Variants in KLHL29 observed in about 807,000 individuals in gnomAD.
KLHL29 encodes the protein kelch-like protein 29.
In KLHL29, 21 loss-of-function variants were observed where a neutral mutation model predicts 80.4. The ratio of observed to expected loss-of-function variants is 0.26; its 90% confidence interval spans 0.19 to 0.38. The LOEUF (loss-of-function observed/expected upper bound fraction) is 0.38. Among genes scored for constraint, KLHL29 ranks in the 10% least tolerant of loss-of-function variants. The probability of loss-of-function intolerance (pLI) is 1.00; values close to 1 mark genes in which losing one functional copy is unlikely to be tolerated. For missense variants in KLHL29, 867 were observed against 1,223.9 expected (o/e 0.71, Z 4.35); for synonymous variants, 511 against 526.8 (o/e 0.97, Z 0.41).
chr2:23,703,825 G>A lies in KLHL29; in HGVS notation c.2406G>A (p.Lys802=). The A allele has an allele frequency of 6.5e-7, 1 of 1,537,520 alleles. No homozygotes were observed. The highest frequency in any genetic ancestry group is 8.7e-7 in the Non-Finnish European group (1 of 1,146,962). The change falls in exon 13 of 14, where the codon AAG becomes AAA. Residue 802 remains lysine (K), a synonymous_variant. Coordinates refer to ENST00000486442, the MANE Select transcript of KLHL29 (RefSeq NM_052920.2). Reference sequence around the variant, plus strand: ...ACGACCCTGAGAAAGGAAACATTAAGGCGGGCCCAAACATGAACCACTCTC... The same window carrying A: ...ACGACCCTGAGAAAGGAAACATTAAAGCGGGCCCAAACATGAACCACTCTC... ...TIYDPEKGNI[K]AGPNMNHSRQ...
chr2:23,602,983 C>A lies in KLHL29; in HGVS notation c.286-36156C>A, dbSNP rs188728455. Among the ~76,000 whole-genome samples the A allele has an allele frequency of 5.0e-3, 755 of 152,304 alleles. 5 individuals are homozygous for A. Among genetic ancestry groups the A allele is most frequent in the African/African-American group, 0.017 (692 of 41,580 alleles). Reference sequence around the variant, plus strand: ...CCTCTGATTTCTTAGGAAAAGACATCACAGCTCTTGCCAATCCATGAGTCA... The same window carrying A: ...CCTCTGATTTCTTAGGAAAAGACATAACAGCTCTTGCCAATCCATGAGTCA... On this transcript the variant is annotated intron_variant, in intron 3 of 13. Transcript: ENST00000486442.
chr2:23,590,836 C>CCATT (rs1253265902), intron 3 of KLHL29, among the ~76,000 whole-genome samples: 1 of 152,160 alleles, frequency 6.6e-6, no homozygotes, highest in Non-Finnish European at 1.5e-5. Context: ...AGGCCCACAT[C>CCATT]CATGCATTCA....
At chr2:23,510,330 C>G (rs1222074068) in intron 2 of KLHL29, among the ~76,000 whole-genome samples, 1 of 152,186 alleles carries the variant, frequency 6.6e-6, no homozygotes, top group African/African-American at 2.4e-5. Context: ...GAGCCACCTC[C>G]TCATTTAGTA....
intron 5 of KLHL29, among the ~76,000 whole-genome samples, chr2:23,646,365 C>A (rs1669933697): frequency 6.6e-6 from 1 of 152,194 alleles, no homozygotes; most frequent in African/African-American, 2.4e-5. Flanking sequence ...TTTTTGGTGG[C>A]TCAGAGGATG....
At chr2:23,556,525 G>T (rs755778256) in intron 2 of KLHL29, among the ~76,000 whole-genome samples, 67 of 151,918 alleles carry the variant, frequency 4.4e-4, no homozygotes, top group Non-Finnish European at 9.3e-4. Flanking sequence ...GGTGATGGGT[G>T]CCTGTAATCC....
At chr2:23,587,517 C>T (rs1156695114) in intron 3 of KLHL29, among the ~76,000 whole-genome samples, 3 of 152,202 alleles carry the variant, frequency 2.0e-5, no homozygotes, top group African/African-American at 7.2e-5. Context: ...CCTCCACTGC[C>T]TGGCAGGAGC....
chr2:23,684,431 G>A lies in KLHL29; in HGVS notation c.973G>A (p.Ala325Thr), dbSNP rs1468878238. The A allele has an allele frequency of 1.3e-6, 2 of 1,549,886 alleles. No homozygotes were observed. Among genetic ancestry groups the A allele is most frequent in the East Asian group, 2.4e-5 (1 of 40,856 alleles). Residue 325 changes from alanine to threonine, a missense_variant, in exon 6 of 14, where the codon GCG becomes ACG. Ala to Thr is a moderately conservative substitution (Grantham distance 58). Transcript: ENST00000486442. The surrounding 1 kb of genome is among the most constrained non-coding windows in gnomAD (Gnocchi z 4.4). ...GAAGGAATTGAACCAGCAACGCAGA[G>A]CGAAAGCGTTTACAGACCTGAAAAT... ...MLKELNQQRR[A>T]KAFTDLKIVV...
chr2:23,651,141 A>G (rs1489627130), intron 5 of KLHL29, among the ~76,000 whole-genome samples: 1 of 152,264 alleles, frequency 6.6e-6, no homozygotes, highest in Admixed American at 6.5e-5. Context: ...AAAGGTCGCC[A>G]TCCATTGAAA....
chr2:23,606,863 G>A (rs1558406292), intron 3 of KLHL29, among the ~76,000 whole-genome samples: 1 of 152,176 alleles, frequency 6.6e-6, no homozygotes, highest in African/African-American at 2.4e-5. Context: ...ACTGTAAACA[G>A]GGTGGCTTAG....
At chr2:23,604,559 G>A (rs1668656997) in intron 3 of KLHL29, among the ~76,000 whole-genome samples, 1 of 152,216 alleles carries the variant, frequency 6.6e-6, no homozygotes, top group South Asian at 2.1e-4. Context: ...AGCAGCAGGA[G>A]CCCTGGAGGT....
chr2:23,526,297 A>C (rs1282990738), intron 2 of KLHL29, among the ~76,000 whole-genome samples: 1 of 151,884 alleles, frequency 6.6e-6, no homozygotes. Context: ...AGGGGAGGGG[A>C]AACCAGAGCT....
intron 2 of KLHL29, among the ~76,000 whole-genome samples, chr2:23,480,269 T>C (rs1368021156): frequency 6.6e-6 from 1 of 152,234 alleles, no homozygotes; most frequent in South Asian, 2.1e-4. Context: ...GGCGGATCAC[T>C]TGAGGCCAGG....
chr2:23,643,248 C>T (rs1265419211), intron 5 of KLHL29: 1 of 383,070 alleles, frequency 2.6e-6, no homozygotes, highest in Non-Finnish European at 5.1e-6. Context: ...GGGGCCTTCT[C>T]CACATTCCAT....
chr2:23,683,832 G>C (rs2149191737), intron 5 of KLHL29, among the ~76,000 whole-genome samples: 1 of 152,252 alleles, frequency 6.6e-6, no homozygotes, highest in African/African-American at 2.4e-5. Flanking sequence ...AGAAGGAGGT[G>C]CTTGCCAGGC....
intron 3 of KLHL29, among the ~76,000 whole-genome samples, chr2:23,604,980 C>A (rs1668668140): frequency 2.6e-5 from 4 of 152,202 alleles, no homozygotes; most frequent in Admixed American, 2.6e-4. Context: ...GGAGGGTCCG[C>A]TGAGCGCCCC....
At chr2:23,422,529 T>C (rs1376664635) in intron 1 of KLHL29, among the ~76,000 whole-genome samples, 2 of 151,798 alleles carry the variant, frequency 1.3e-5, no homozygotes, top group African/African-American at 4.8e-5. Flanking sequence ...TCTGTGTGTG[T>C]CCATGTGTCT....
intron 2 of KLHL29, among the ~76,000 whole-genome samples, chr2:23,544,242 C>T (rs1400436648): frequency 2.0e-5 from 3 of 152,112 alleles, no homozygotes; most frequent in African/African-American, 2.4e-5. Context: ...TTCATTCACT[C>T]GTTATTTACG....
At chr2:23,554,356 A>G (rs1187895317) in intron 2 of KLHL29, among the ~76,000 whole-genome samples, 1 of 152,100 alleles carries the variant, frequency 6.6e-6, no homozygotes, top group Non-Finnish European at 1.5e-5. Flanking sequence ...GCAATCATAC[A>G]TTTTCTGATC....
At chr2:23,532,814 G>A (rs572053127) in intron 2 of KLHL29, among the ~76,000 whole-genome samples, 11 of 152,188 alleles carry the variant, frequency 7.2e-5, no homozygotes, top group Non-Finnish European at 1.0e-4. Flanking sequence ...AAATCGAGGC[G>A]CGTTCAGGGT....
Sources: allele counts gnomAD v4.1 joint callset (sites outside exome capture counted in the v4.1 genomes callset), GRCh38; gene constraint gnomAD v4.1.1; non-coding constraint Gnocchi (gnomAD v3.1); transcripts MANE v1.5; gene names NCBI Gene and HGNC (gene_info 2026-07-23, HGNC 2026-07-21).